MYO15B: variants seen among roughly 807,000 people sequenced by gnomAD.
MYO15B encodes myosin XVB pseudogene.
MYO15B carries 207 observed loss-of-function variants against 119.3 expected under a neutral mutation model. The ratio of observed to expected loss-of-function variants is 1.73; its 90% confidence interval spans 1.55 to 1.95. The LOEUF is 1.95. MYO15B is among the 30% of genes most tolerant of loss of function. The pLI, the probability that MYO15B is intolerant of heterozygous loss-of-function variation, is 0.00. For synonymous variants in MYO15B, 966 were observed against 498.9 expected, an observed-to-expected ratio of 1.94 and a Z score of -12.48; for missense variants, 2,264 against 1,203.1, an observed-to-expected ratio of 1.88 and a Z score of -13.04.
At chr17:75,611,468 CAAAAAAAAAA>C in intron 23 of MYO15B, 123 bp from the exon 24 acceptor site, 1 of 471,134 alleles carries the variant, frequency 2.1e-6, no homozygotes, top group South Asian at 2.2e-5. Flanking sequence ...GACCCTGCCT[CAAAAAAAAAA>C]AAAAAAAAAA....
At chr17:75,605,531 G>A in exon 20 of MYO15B, 1 of 702,750 alleles carries the variant, frequency 1.4e-6, no homozygotes, top group East Asian at 2.7e-5. Flanking sequence ...CAGAAGGGCA[G>A]GAAGACCTCT....
chr17:75,620,859 C>T (rs963121938), intron 49 of MYO15B, 172 bp from the exon 50 acceptor site: 20 of 701,728 alleles, frequency 2.9e-5, no homozygotes, highest in African/African-American at 2.4e-4. Flanking sequence ...TTGTGTCCCA[C>T]GTGGTACTTA....
exon 1 of MYO15B, chr17:75,590,222 T>C (rs1160281162): frequency 1.0e-5 from 4 of 398,990 alleles, no homozygotes. Context: ...CTGGAAGACA[T>C]GGAGGACCTG....
At chr17:75,606,747 A>T (rs1241433699) in intron 21 of MYO15B, among the ~76,000 whole-genome samples, 1 of 152,182 alleles carries the variant, frequency 6.6e-6, no homozygotes, top group Non-Finnish European at 1.5e-5. Flanking sequence ...TGCTGGGATT[A>T]CAGGTGTGAG....
rs572969658 is a variant in MYO15B at position 75,611,036 on chromosome 17, A to G, written c.4446+77A>G. The G allele has an allele frequency of 2.1e-5, 15 of 701,696 alleles. No homozygotes were observed. In the African/African-American group the frequency reaches 2.4e-4, roughly 11 times the overall value. The allele number at this position is 701,696 out of a possible 1,614,324, so 43.5% of individuals were successfully genotyped here. ...GACTGGGACAGCTTAGAGGGCTGCCAGGGTGCTACCGTGGGTCTTGTCCCT... is the reference window on the plus strand; with the variant it reads ...GACTGGGACAGCTTAGAGGGCTGCCGGGGTGCTACCGTGGGTCTTGTCCCT... On this transcript the variant is annotated intron_variant, in intron 23 of 63. Coordinates refer to ENST00000645453, the Ensembl canonical transcript of MYO15B.
rs181863862 is a variant in MYO15B at position 75,624,084 on chromosome 17, A to G, written c.8272+20A>G. On this transcript the variant is annotated intron_variant, in intron 55 of 63. Coordinates refer to ENST00000645453, the Ensembl canonical transcript of MYO15B. ...GCCAAGGTGCCCGTGGGAAGGGGAG[A>G]TGGAGGAGAGGCAGGGGTTTCTAGG... The G allele has an allele frequency of 3.0e-5, 21 of 702,884 alleles. No individual in the cohort carries two copies. Among genetic ancestry groups the G allele is most frequent in the Non-Finnish European group, 5.2e-5 (20 of 384,966 alleles). 43.5% of individuals were successfully genotyped at this position (702,884 alleles called of 1,614,324 possible). A position where few individuals can be genotyped will look rare whatever the true frequency, so the allele number is the denominator to read the frequency against.
intron 1 of MYO15B, 176 bp downstream of exon 1, chr17:75,590,419 G>A (rs540370172): frequency 1.3e-4 from 53 of 397,676 alleles, no homozygotes; most frequent in African/African-American, 9.4e-4. Flanking sequence ...CCCCAGGACC[G>A]CCTTTCTAAT....
intron 52 of MYO15B, 30 bp from the exon 53 acceptor site, chr17:75,621,974 T>G (rs1396788178): frequency 1.4e-6 from 1 of 702,592 alleles, no homozygotes; most frequent in African/African-American, 1.7e-5. Flanking sequence ...CAGCCCCAGC[T>G]ATGTGCCCTG....
intron 39 of MYO15B, 25 bp from the exon 40 acceptor site, chr17:75,616,849 A>AC: frequency 1.4e-6 from 1 of 703,038 alleles, no homozygotes; most frequent in Non-Finnish European, 2.6e-6. Flanking sequence ...CTATGAACTT[A>AC]GTGACCTCTT....
chr17:75,623,963 G>C (rs760833606), exon 55 of MYO15B: 3 of 703,032 alleles, frequency 4.3e-6, no homozygotes, highest in African/African-American at 1.7e-5. Context: ...CACTGCACTC[G>C]AGGCTGGAGC....
intron 15 of MYO15B, 103 bp from the exon 16 acceptor site, chr17:75,602,414 G>A (rs1379453113): frequency 1.4e-6 from 1 of 701,838 alleles, no homozygotes; most frequent in East Asian, 2.7e-5. Flanking sequence ...CAGGTCACCT[G>A]GGGAGAGGGT....
chr17:75,613,871 A>G (rs371297800), intron 29 of MYO15B, 94 bp downstream of exon 29: 21 of 620,418 alleles, frequency 3.4e-5, no homozygotes, highest in Admixed American at 2.8e-4. Flanking sequence ...GGCCGGGAGG[A>G]GAGGTGCCCC....
exon 27 of MYO15B, chr17:75,613,078 G>T: frequency 2.8e-6 from 2 of 702,606 alleles, no homozygotes; most frequent in Non-Finnish European, 5.2e-6. Context: ...TGCGGAATGA[G>T]CTCTTTAGCC....
chr17:75,608,150 G>A lies in MYO15B; in HGVS notation c.4293-2016G>A, dbSNP rs189409542. Reference sequence around the variant, plus strand: ...TAATTAATTTTTGAGACAGAATCTCGCTCTGTCACCCAGGCTGGAGTGCAG... The same window carrying A: ...TAATTAATTTTTGAGACAGAATCTCACTCTGTCACCCAGGCTGGAGTGCAG... On this transcript the variant is annotated intron_variant, in intron 21 of 63. Transcript: ENST00000645453. Among the ~76,000 whole-genome samples, 11 of 151,970 alleles carry A rather than the reference G, an allele frequency of 7.2e-5. No homozygotes were observed. The South Asian group carries it at 1.5e-3, about 20-fold the overall frequency.
At position 75,592,317 on chromosome 17, in the gene MYO15B, C is replaced by T. The variant is rs1460473576; in HGVS notation, c.2715+16C>T. 1 of 702,798 alleles carries T rather than the reference C, an allele frequency of 1.4e-6. No individual in the cohort carries two copies. Among genetic ancestry groups the T allele is most frequent in the Non-Finnish European group, 2.6e-6 (1 of 384,886 alleles). 43.5% of individuals were successfully genotyped at this position (702,798 alleles called of 1,614,324 possible). A position where few individuals can be genotyped will look rare whatever the true frequency, so the allele number is the denominator to read the frequency against. On this transcript the variant is annotated intron_variant, in intron 7 of 63. Transcript: ENST00000645453. Reference sequence around the variant, plus strand: ...GGTGTTTCAGGTAAAGGCAGCCCTTCTATCCACCCCTGCCCAGTTCCCAGA... The same window carrying T: ...GGTGTTTCAGGTAAAGGCAGCCCTTTTATCCACCCCTGCCCAGTTCCCAGA...
At chr17:75,622,390 C>T (rs1259232141) in intron 53 of MYO15B, among the ~76,000 whole-genome samples, 1 of 152,136 alleles carries the variant, frequency 6.6e-6, no homozygotes, top group South Asian at 2.1e-4. Flanking sequence ...CACGGGGTGA[C>T]AGAGAAGGGC....
At chr17:75,602,660 C>T (rs930230942) in intron 16 of MYO15B, 66 bp downstream of exon 16, 6 of 613,430 alleles carry the variant, frequency 9.8e-6, no homozygotes, top group South Asian at 1.9e-5. Context: ...GTCCTTTTCC[C>T]CCTGGGCGCT....
At chr17:75,615,742 T>TGCAGCAGCG (rs774555676) in exon 36 of MYO15B, 4 of 699,852 alleles carry the variant, frequency 5.7e-6, no homozygotes, top group Non-Finnish European at 1.0e-5. Flanking sequence ...GAGCAGCAGA[T>TGCAGCAGCG]GCAGCAGCGG....
Position 75,592,848 on chromosome 17 carries a change from TC to T in MYO15B, c.2991+12del. 1.4e-6 allele frequency: 1 copy of T among 700,352 alleles called. No individual in the cohort carries two copies. Among genetic ancestry groups the T allele is most frequent in the Non-Finnish European group, 2.6e-6 (1 of 383,336 alleles). 43.4% of individuals were successfully genotyped at this position (700,352 alleles called of 1,614,324 possible). A position where few individuals can be genotyped will look rare whatever the true frequency, so the allele number is the denominator to read the frequency against. ...TGCTTCTCCTCCTCAGAGGTGGGCT[TC>T]CCCGTGGGCAGGGGCCATCTGGGGT... On this transcript the variant is annotated intron_variant, in intron 9 of 63. Transcript: ENST00000645453.
Sources: allele counts gnomAD v4.1 joint callset (sites outside exome capture counted in the v4.1 genomes callset), GRCh38; gene constraint gnomAD v4.1.1; transcripts MANE v1.5; gene names NCBI Gene and HGNC (gene_info 2026-07-23, HGNC 2026-07-21).